Variants in PAXBP1 observed in about 807,000 individuals in gnomAD.
PAXBP1 encodes PAX3- and PAX7-binding protein 1.
A neutral mutation model predicts 119.9 loss-of-function variants in PAXBP1; 44 were observed. The ratio of observed to expected loss-of-function variants is 0.37; its 90% CI spans 0.29 to 0.47. The LOEUF is 0.47. Among genes scored for constraint, PAXBP1 ranks in the 20% least tolerant of loss-of-function variants. PAXBP1 has a pLI of 0.99. For synonymous variants in PAXBP1, 393 were observed against 406.6 expected, an observed-to-expected ratio of 0.97 and a Z score of 0.40; for missense variants, 898 against 1,134.1, an observed-to-expected ratio of 0.79 and a Z score of 2.99.
chr21:32,753,445 A>C (rs866734000), intron 8 of PAXBP1, among the ~76,000 whole-genome samples: 2 of 152,034 alleles, frequency 1.3e-5, no homozygotes, highest in South Asian at 2.1e-4. Flanking sequence ...AAAAAAAAAA[A>C]AACATTATAC....
chr21:32,743,267 T>C lies in PAXBP1; in HGVS notation c.2315A>G (p.Gln772Arg). 2 of 1,576,934 alleles carry C rather than the reference T, an allele frequency of 1.3e-6. No individual in the cohort carries two copies. The highest frequency in any genetic ancestry group is 2.1e-5 in the Admixed American group (1 of 47,666). ...ACGTACCTTAACTGAAGACCAAAAC[T>C]GTCGTTGAAAAAACAAGTAAGGCCC... Reference protein sequence around the residue: ...NSGPYLFFQRQFWSSVKLLGN... With the variant: ...NSGPYLFFQRRFWSSVKLLGN... Residue 772 changes from glutamine (Q) to arginine (R), a missense_variant, in exon 15 of 18, where the codon CAG becomes CGG. Physicochemically the swap from Gln to Arg is conservative, Grantham distance 43. Transcript: ENST00000331923.
At chr21:32,761,034 T>G in intron 5 of PAXBP1, 25 bp downstream of exon 5, 1 of 1,561,564 alleles carries the variant, frequency 6.4e-7, no homozygotes, top group Non-Finnish European at 8.7e-7. Context: ...TACTTTTAAT[T>G]TTTAGTTTAA....
At chr21:32,767,804 G>A (rs575186886) in intron 2 of PAXBP1, among the ~76,000 whole-genome samples, 2 of 152,144 alleles carry the variant, frequency 1.3e-5, no homozygotes, top group Non-Finnish European at 2.9e-5. Flanking sequence ...CCAGTCTTGG[G>A]TATGTCTTTA....
At position 32,761,064 on chromosome 21, in the gene PAXBP1, G is replaced by T; in HGVS notation, c.970C>A (p.Pro324Thr). Residue 324 changes from proline (P) to threonine (T), a missense_variant, in exon 5 of 18, where the codon CCT (proline) becomes ACT (threonine). By Grantham distance (38) the Pro-to-Thr change is conservative. This residue lies in a region of PAXBP1 where 599 missense variants were observed against 852.7 expected (regional missense o/e 0.70). Transcript: ENST00000331923. Reference protein sequence around the residue: ...QEQIRKGINIPQVQASQPAEV... With the variant: ...QEQIRKGINITQVQASQPAEV... ...GTTTAATTCTTTTGTCGTACCTGAGGGATATTAATTCCTTTCCTTATCTGC... is the reference window on the plus strand; with the variant it reads ...GTTTAATTCTTTTGTCGTACCTGAGTGATATTAATTCCTTTCCTTATCTGC... 1 of 1,608,202 alleles carries T rather than the reference G, an allele frequency of 6.2e-7. No homozygotes were observed. The highest frequency in any genetic ancestry group is 8.5e-7 in the Non-Finnish European group (1 of 1,177,318).
chr21:32,739,250 T>C (rs1171424271), intron 15 of PAXBP1, among the ~76,000 whole-genome samples: 2 of 152,164 alleles, frequency 1.3e-5, no homozygotes, highest in Non-Finnish European at 2.9e-5. Context: ...GGGCATTAGG[T>C]ATTAAGTCTC....
At chr21:32,735,739 A>G (rs1306052945) in intron 17 of PAXBP1, among the ~76,000 whole-genome samples, 1 of 152,226 alleles carries the variant, frequency 6.6e-6, no homozygotes, top group Admixed American at 6.5e-5. Flanking sequence ...CTCCCATGCC[A>G]TGCTGATACT....
In PAXBP1 at chr21:32,749,825, A is replaced by G. The variant is rs565051219; in HGVS notation, c.1723+1092T>C. Among the ~76,000 whole-genome samples the G allele has an allele frequency of 2.6e-5, 4 of 152,304 alleles. No homozygotes were observed. In the East Asian group the frequency reaches 7.7e-4, roughly 29 times the overall value. On this transcript the variant is annotated intron_variant, in intron 10 of 17. Transcript: ENST00000331923. Reference sequence around the variant, plus strand: ...TAGAATATAGGACAGTCTATAAGAGAAGTGGCCTGGTCTCTTCAAAAATTT... The same window carrying G: ...TAGAATATAGGACAGTCTATAAGAGGAGTGGCCTGGTCTCTTCAAAAATTT...
chr21:32,750,819 T>G, intron 10 of PAXBP1, 98 bp downstream of exon 10: 1 of 869,450 alleles, frequency 1.2e-6, no homozygotes, highest in Non-Finnish European at 1.8e-6. Context: ...CTGGTTCTAA[T>G]GCAGAGACCA....
At chr21:32,745,131 G>T (rs1169325399) in intron 12 of PAXBP1, among the ~76,000 whole-genome samples, 2 of 152,138 alleles carry the variant, frequency 1.3e-5, no homozygotes, top group African/African-American at 4.8e-5. Context: ...GGAAAATAAA[G>T]ATTAGGAAAA....
intron 8 of PAXBP1, among the ~76,000 whole-genome samples, chr21:32,753,473 G>GTA (rs2043994912): frequency 6.6e-6 from 1 of 150,704 alleles, no homozygotes; most frequent in African/African-American, 2.4e-5. Context: ...ATCACTGCAT[G>GTA]TATAGGTTTT....
rs1212067670 is a variant in PAXBP1, at chr21:32,743,703, C to A, written c.2242G>T (p.Val748Leu). 1 of 1,595,248 alleles carries A rather than the reference C, an allele frequency of 6.3e-7. No homozygotes were observed. The highest frequency in any genetic ancestry group is 1.7e-5 in the Admixed American group (1 of 58,610). The change falls in exon 14 of 18, where the codon GTA becomes TTA. Residue 748 changes from valine to leucine, a missense_variant. By Grantham distance (32) the Val-to-Leu change is conservative. Coordinates refer to ENST00000331923, the MANE Select transcript of PAXBP1 (RefSeq NM_016631.4). ...TTTTTGGGATATAAGGGCATAAATA[C>A]ATCATCATCTAAAGTTCTTCTCATT... is the stretch of plus-strand genomic sequence containing the variant. The part of the protein sequence containing the change: ...LRMRRTLDDD[V>L]FMPLYPKNVL...
chr21:32,764,380 T>C lies in PAXBP1; in HGVS notation c.617A>G (p.Asn206Ser). 1 of 1,613,846 alleles carries C rather than the reference T, an allele frequency of 6.2e-7. No individual in the cohort carries two copies. Among genetic ancestry groups the C allele is most frequent in the Non-Finnish European group, 8.5e-7 (1 of 1,179,864 alleles). ...EKPKTGGAFSNALSSLNVLRP... is the reference protein window; with the variant it reads ...EKPKTGGAFSSALSSLNVLRP... ...AAGAACATTCAATGAAGATAAAGCA[T>C]TTGAAAAAGCTCCACCAGTCTTTGG... The change falls in exon 3 of 18, where the codon AAT becomes AGT. Residue 206 changes from asparagine (N) to serine (S), a missense_variant. Asn to Ser is a conservative substitution (Grantham distance 46). This residue lies in a region of PAXBP1 where 299 missense variants were observed against 281.4 expected (regional missense o/e 1.06). Transcript: ENST00000331923.
intron 8 of PAXBP1, 135 bp downstream of exon 8, chr21:32,755,095 T>C (rs1040683676): frequency 6.5e-6 from 7 of 1,072,048 alleles, no homozygotes; most frequent in South Asian, 2.2e-5. Context: ...TTTTTAGATC[T>C]ACCTGACACA....
chr21:32,737,222 CTA>C, intron 17 of PAXBP1, 30 bp downstream of exon 17: 1 of 1,464,066 alleles, frequency 6.8e-7, no homozygotes, highest in Non-Finnish European at 9.1e-7. Context: ...CTAAACAACT[CTA>C]GATTACCATT....
Position 32,764,415 on chromosome 21 carries a change from C to T in PAXBP1, c.582G>A (p.Glu194=), listed in dbSNP as rs749327553. The change falls in exon 3 of 18, where the codon GAG becomes GAA. Residue 194 remains glutamate, a synonymous_variant. Coordinates refer to ENST00000331923, the MANE Select transcript of PAXBP1 (RefSeq NM_016631.4). ...CTCCACCAGTCTTTGGCTTTTCTTCCTCTTTTTCACTTTCCATATCCATTT... is the reference window on the plus strand; with the variant it reads ...CTCCACCAGTCTTTGGCTTTTCTTCTTCTTTTTCACTTTCCATATCCATTT... The part of the protein sequence containing the change: ...EDEMDMESEK[E]EEKPKTGGAF... The T allele has an allele frequency of 4.3e-6, 7 of 1,613,696 alleles. No homozygotes were observed. The highest frequency in any genetic ancestry group is 1.7e-6 in the Non-Finnish European group (2 of 1,179,894).
intron 17 of PAXBP1, among the ~76,000 whole-genome samples, chr21:32,735,802 C>T (rs2043684828): frequency 6.6e-6 from 1 of 152,192 alleles, no homozygotes; most frequent in Admixed American, 6.5e-5. Context: ...TTAGCTTAAA[C>T]CACTCACGAG....
At chr21:32,760,099 C>A in intron 5 of PAXBP1, 105 bp from the exon 6 acceptor site, 1 of 815,982 alleles carries the variant, frequency 1.2e-6, no homozygotes, top group Non-Finnish European at 1.9e-6. Context: ...TACCTATTTG[C>A]CAAATATTAT....
chr21:32,764,621 T>TA, intron 2 of PAXBP1, 97 bp from the exon 3 acceptor site: 1 of 925,522 alleles, frequency 1.1e-6, no homozygotes, highest in Non-Finnish European at 1.6e-6. Context: ...TTTTTTTAAT[T>TA]AAAAAAAGGG....
chr21:32,755,235 T>A lies in PAXBP1; in HGVS notation c.1502A>T (p.His501Leu). ...AACCTTCAAGATGGACTGACTTGAA[T>A]GGCTTGAAAACTCCGAAGATTCATC... ...IKDESSEFSSHSNKALMAPNL... is the reference protein window; with the variant it reads ...IKDESSEFSSLSNKALMAPNL... The change falls in exon 8 of 18, where the codon CAT (histidine) becomes CTT (leucine). Residue 501 changes from histidine (H) to leucine (L), a missense_variant. Transcript: ENST00000331923. 2 of 1,612,272 alleles carry A rather than the reference T, an allele frequency of 1.2e-6. No individual in the cohort carries two copies. The highest frequency in any genetic ancestry group is 1.7e-6 in the Non-Finnish European group (2 of 1,179,106).
Sources: allele counts gnomAD v4.1 joint callset (sites outside exome capture counted in the v4.1 genomes callset), GRCh38; gene constraint gnomAD v4.1.1; regional missense constraint gnomAD v4.1.1; transcripts MANE v1.5; gene names NCBI Gene and HGNC (gene_info 2026-07-23, HGNC 2026-07-21).